TAS2R30: variants seen among roughly 807,000 people sequenced by gnomAD.
TAS2R30 encodes taste 2 receptor member 30.
For synonymous variants in TAS2R30, 141 were observed against 131.6 expected, an observed-to-expected ratio of 1.07 and a Z score of -0.49; for missense variants, 395 against 371.6, an observed-to-expected ratio of 1.06 and a Z score of -0.52.
chr12:11,134,181 A>G, exon 1 of TAS2R30: 1 of 1,613,958 alleles, frequency 6.2e-7, no homozygotes, highest in South Asian at 1.1e-5. Flanking sequence ...CCATTAGCAA[A>G]ATTTCCAATA....
At chr12:11,134,126 T>A (rs770919396) in exon 1 of TAS2R30, 2 of 1,614,042 alleles carry the variant, frequency 1.2e-6, no homozygotes, top group East Asian at 4.5e-5. Context: ...AAAGGAGATC[T>A]TTTGTCTCTT....
chr12:11,134,341 T>C, exon 1 of TAS2R30: 1 of 1,230,418 alleles, frequency 8.1e-7, no homozygotes, highest in Non-Finnish European at 1.1e-6. Context: ...ATGCACCTGA[T>C]TTGTGTATGT....
At chr12:11,133,256 T>C (rs369212126) in exon 1 of TAS2R30, 63 of 1,557,280 alleles carry the variant, frequency 4.0e-5, no homozygotes, top group Non-Finnish European at 5.4e-5. Flanking sequence ...AAATATAAAA[T>C]GTTTCATACA....
exon 1 of TAS2R30, chr12:11,133,441 T>C (rs771658517): frequency 1.2e-6 from 2 of 1,614,030 alleles, no homozygotes; most frequent in South Asian, 1.1e-5. Flanking sequence ...GATAGCTGAA[T>C]ATAATAGCTT....
rs1449566974 is a variant in TAS2R30 at position 11,134,218 on chromosome 12, A to C, written c.27T>G (p.Phe9Leu). The change falls in exon 1 of 1, where the codon TTT (phenylalanine) becomes TTG (leucine). Residue 9 changes from phenylalanine to leucine, a missense_variant. Coordinates refer to ENST00000539585, the Ensembl canonical transcript of TAS2R30. The stretch of plus-strand genomic sequence containing the variant: ...CAAATATAACCACTATTAGAATGGA[A>C]AAAATGATGGGCAGAAAAGTTATCA... The C allele has an allele frequency of 1.1e-5, 18 of 1,613,108 alleles. No homozygotes were observed. In the East Asian group the frequency reaches 1.3e-4, roughly 12 times the overall value.
exon 1 of TAS2R30, chr12:11,133,525 A>C: frequency 6.2e-7 from 1 of 1,614,190 alleles, no homozygotes; most frequent in Non-Finnish European, 8.5e-7. Flanking sequence ...ACAGAAAGTA[A>C]ATGGCACATA....
exon 1 of TAS2R30, chr12:11,133,794 C>T: frequency 6.3e-7 from 1 of 1,597,138 alleles, no homozygotes; most frequent in Middle Eastern, 1.7e-4. Flanking sequence ...CATACAGTCT[C>T]ATCCATGTTT....
chr12:11,132,983 A>C (rs1946410979), exon 1 of TAS2R30: 1 of 296,906 alleles, frequency 3.4e-6, no homozygotes, highest in Non-Finnish European at 6.1e-6. Context: ...TAAATTCTAC[A>C]AATGAAATAT....
exon 1 of TAS2R30, chr12:11,133,886 C>T (rs115417468): frequency 4.2e-5 from 67 of 1,614,032 alleles, no homozygotes; most frequent in African/African-American, 1.9e-4. Context: ...CCTCTTTATG[C>T]GAAGAAAAAT....
chr12:11,134,428 G>T, exon 1 of TAS2R30: 2 of 686,070 alleles, frequency 2.9e-6, no homozygotes, highest in Non-Finnish European at 4.7e-6. Context: ...TAATGGATAA[G>T]TTCAATGCTC....
chr12:11,134,110 G>T (rs1227965942), exon 1 of TAS2R30: 1 of 1,613,990 alleles, frequency 6.2e-7, no homozygotes, highest in Non-Finnish European at 8.5e-7. Flanking sequence ...TGAGAATTTG[G>T]TCAACAAAGG....
At chr12:11,134,197 T>C in exon 1 of TAS2R30, 1 of 1,613,664 alleles carries the variant, frequency 6.2e-7, no homozygotes, top group South Asian at 1.1e-5. Flanking sequence ...CAATAACAAA[T>C]ATAACCACTA....
At chr12:11,133,723 A>G in exon 1 of TAS2R30, 1 of 1,614,172 alleles carries the variant, frequency 6.2e-7, no homozygotes, top group African/African-American at 1.3e-5. Flanking sequence ...TCATATTTGA[A>G]TGGTACATTG....
At chr12:11,134,124 T>C in exon 1 of TAS2R30, 2 of 1,614,112 alleles carry the variant, frequency 1.2e-6, no homozygotes, top group Non-Finnish European at 8.5e-7. Context: ...ACAAAGGAGA[T>C]CTTTTGTCTC....
exon 1 of TAS2R30, chr12:11,134,116 AAAG>A (rs1276724271): frequency 6.2e-7 from 1 of 1,614,050 alleles, no homozygotes; most frequent in African/African-American, 1.3e-5. Context: ...TTTGGTCAAC[AAAG>A]GAGATCTTTT....
exon 1 of TAS2R30, chr12:11,133,242 T>G: frequency 6.5e-7 from 1 of 1,544,844 alleles, no homozygotes; most frequent in Non-Finnish European, 8.7e-7. Flanking sequence ...GAAAACCCAG[T>G]AAGAAATATA....
chr12:11,134,026 T>A (rs1946470592), exon 1 of TAS2R30: 1 of 1,613,994 alleles, frequency 6.2e-7, no homozygotes, highest in African/African-American at 1.3e-5. Flanking sequence ...TATAAAAAGC[T>A]GGATTCAACT....
the TAS2R30 span, chr12:11,133,937 C>CT: frequency 6.2e-7 from 1 of 1,614,102 alleles, no homozygotes; most frequent in South Asian, 1.1e-5. Flanking sequence ...ATAAAACATG[C>CT]TGAGGCTAGT....
At chr12:11,133,840 C>T (rs1443711049) in exon 1 of TAS2R30, 1 of 1,614,108 alleles carries the variant, frequency 6.2e-7, no homozygotes. Context: ...ATAGCAAAGG[C>T]CCCAACAGTA....
Sources: gnomAD v4.1 joint callset for allele counts on GRCh38, gnomAD v4.1.1 for gene constraint, MANE v1.5 for transcripts, NCBI Gene and HGNC (gene_info 2026-07-23, HGNC 2026-07-21) for gene names.